CNPY1: variants seen among roughly 807,000 people sequenced by gnomAD.
CNPY1 encodes the protein protein canopy homolog 1.
Under a neutral mutation model 14.4 loss-of-function variants are expected in CNPY1, and 14 were observed. The observed-to-expected ratio is 0.97, with a 90% CI of 0.64 to 1.52. The LOEUF is 1.52. Among genes scored for constraint, CNPY1 ranks in the 40% most tolerant of loss-of-function variants. CNPY1 has a pLI of 0.00. For missense variants in CNPY1, 129 were observed against 131.5 expected, an observed-to-expected ratio of 0.98 and a Z score of 0.09; for synonymous variants, 43 against 46.5, an observed-to-expected ratio of 0.92 and a Z score of 0.31.
chr7:155,509,861 G>A (rs2116689798), intron 2 of CNPY1, among the ~76,000 whole-genome samples: 1 of 152,332 alleles, frequency 6.6e-6, no homozygotes, highest in African/African-American at 2.4e-5. Context: ...CGCCCCGGGC[G>A]CGGGTCAAAG....
rs575622737 is a variant in CNPY1 at position 155,504,983 on chromosome 7, A to T, written c.401-1878T>A. Among the ~76,000 whole-genome samples, 5 of 152,246 alleles carry T rather than the reference A, an allele frequency of 3.3e-5. No individual in the cohort carries two copies. In the South Asian group the frequency reaches 1.0e-3, roughly 32 times the overall value. ...GCATGAATTCTCTGTTGCTTCAGTC[A>T]CTTATCAGAGTTTTTATCATTGATG... On this transcript the variant is annotated intron_variant, in intron 4 of 4. Transcript: ENST00000636446.
In CNPY1 at chr7:155,515,539, C is replaced by T. The variant is rs141974511; in HGVS notation, c.100-6442G>A. ...AGGGTGTCTGTGCATCCCAGATGCC[C>T]GACATGACCCCCTGATGTCCAGTCA... is the stretch of plus-strand genomic sequence containing the variant. On this transcript the variant is annotated intron_variant, in intron 2 of 4. Coordinates refer to ENST00000636446, the MANE Select transcript of CNPY1 (RefSeq NM_001393663.1). Among the ~76,000 whole-genome samples the T allele has an allele frequency of 2.8e-3, 423 of 152,230 alleles. 1 individual carries two copies. The highest frequency in any genetic ancestry group is 9.3e-3 in the African/African-American group (387 of 41,520).
intron 2 of CNPY1, among the ~76,000 whole-genome samples, chr7:155,540,107 T>C (rs962828159): frequency 6.6e-6 from 1 of 152,224 alleles, no homozygotes; most frequent in African/African-American, 2.4e-5. Context: ...TTTGATCAGA[T>C]TCCTCGGGAA....
intron 2 of CNPY1, among the ~76,000 whole-genome samples, chr7:155,544,632 G>A (rs540167762): frequency 6.6e-6 from 1 of 152,330 alleles, no homozygotes; most frequent in African/African-American, 2.4e-5. Flanking sequence ...TGGTGTCAGG[G>A]ACCAGGACTG....
chr7:155,521,344 T>A (rs1389414373), intron 2 of CNPY1, among the ~76,000 whole-genome samples: 1 of 152,230 alleles, frequency 6.6e-6, no homozygotes, highest in East Asian at 1.9e-4. Context: ...TTTCTTTACA[T>A]GCAGGGGACC....
intron 4 of CNPY1, among the ~76,000 whole-genome samples, chr7:155,505,884 C>T (rs1162274825): frequency 6.6e-6 from 1 of 152,188 alleles, no homozygotes; most frequent in Non-Finnish European, 1.5e-5. Context: ...ACTACGTCGT[C>T]TCACTGTATT....
intron 2 of CNPY1, among the ~76,000 whole-genome samples, chr7:155,535,600 C>A (rs1160292404): frequency 6.6e-6 from 1 of 152,210 alleles, no homozygotes; most frequent in East Asian, 1.9e-4. Context: ...AACCAACTGC[C>A]TCCCCAAAAC....
Position 155,537,668 on chromosome 7 carries a change from AC to A in CNPY1, c.99+8162del, listed in dbSNP as rs1797039376. ...TCAAACTCCTGACCTCAGGTGATCC[AC>A]CCGTCTTGGCCTCCCAAAGTGCCGG... On this transcript the variant is annotated intron_variant, in intron 2 of 4. Coordinates refer to ENST00000636446, the MANE Select transcript of CNPY1 (RefSeq NM_001393663.1). Among the ~76,000 whole-genome samples, 5 of 151,698 alleles carry A rather than the reference AC, an allele frequency of 3.3e-5. 1 individual carries two copies. In the South Asian group the frequency reaches 1.0e-3, roughly 32 times the overall value.
In CNPY1 at chr7:155,527,058, T is replaced by TTTC. The variant is rs751755665; in HGVS notation, c.100-17962_100-17961insGAA. Among the ~76,000 whole-genome samples, 246 of 39,540 alleles carry TTTC rather than the reference T, an allele frequency of 6.2e-3. 6 individuals carry two copies. Among genetic ancestry groups the TTTC allele is most frequent in the Admixed American group, 0.055 (208 of 3,796 alleles). 25.9% of individuals were successfully genotyped at this position (39,540 alleles called of 152,430 possible). A position where few individuals can be genotyped will look rare whatever the true frequency, so the allele number is the denominator to read the frequency against. On this transcript the variant is annotated intron_variant, in intron 2 of 4. Transcript: ENST00000636446. ...TCTTTCTTTCTTTCTTTCTTTCTTT[T>TTTC]TTTTTTTTTTTTTGAGACAGTCTTG...
chr7:155,506,572 C>A, intron 4 of CNPY1: 1 of 157,860 alleles, frequency 6.3e-6, no homozygotes, highest in Non-Finnish European at 1.4e-5. Context: ...AACAAACAAA[C>A]AAACAAAAAA....
At position 155,503,186 on chromosome 7, in the gene CNPY1, TATG is replaced by T. The variant is rs146990653; in HGVS notation, c.401-84_401-82del. The T allele has an allele frequency of 3.1e-3, 3,398 of 1,095,650 alleles. 84 individuals are homozygous for T. The African/African-American group carries it at 0.048, about 16-fold the overall frequency. The allele number at this position is 1,095,650 out of a possible 1,614,324, so 67.9% of individuals were successfully genotyped here. On this transcript the variant is annotated intron_variant, in intron 4 of 4. Coordinates refer to ENST00000636446, the MANE Select transcript of CNPY1 (RefSeq NM_001393663.1). ...TAAGTCATTTACATTATGCAAAAAC[TATG>T]TTCTGGTAGAAGCATATTTTAAAAA...
At chr7:155,538,633 G>A (rs1019456353) in intron 2 of CNPY1, among the ~76,000 whole-genome samples, 5 of 152,322 alleles carry the variant, frequency 3.3e-5, no homozygotes, top group East Asian at 1.9e-4. Flanking sequence ...AGCCACAGGC[G>A]TTAGAGGCCC....
At chr7:155,534,349 G>GCA (rs1214634864) in intron 2 of CNPY1, among the ~76,000 whole-genome samples, 142 of 79,228 alleles carry the variant, frequency 1.8e-3, no homozygotes, top group African/African-American at 5.1e-3. Context: ...AGGCACACAT[G>GCA]CACACACGTG....
In CNPY1 at chr7:155,501,994, C is replaced by CGGGGGG. The variant is rs1554446746; in HGVS notation, c.*1068_*1073dup. 2 of 12,378 alleles carry CGGGGGG rather than the reference C, an allele frequency of 1.6e-4. No individual in the cohort carries two copies. The highest frequency in any genetic ancestry group is 4.4e-4 in the African/African-American group (2 of 4,586). The allele number at this position is 12,378 out of a possible 1,614,324, so 0.8% of individuals were successfully genotyped here. A position where few individuals can be genotyped will look rare whatever the true frequency, so the allele number is the denominator to read the frequency against. The stretch of plus-strand genomic sequence containing the variant: ...AACAATATGGCAAAGAGTTTTGGGT[C>CGGGGGG]GGGGGGGTTGGGGGGGGGATTTGTA... On this transcript the variant is annotated 3_prime_UTR_variant, in exon 5 of 5. Coordinates refer to ENST00000636446, the MANE Select transcript of CNPY1 (RefSeq NM_001393663.1).
intron 2 of CNPY1, among the ~76,000 whole-genome samples, chr7:155,543,360 C>G (rs1797124075): frequency 6.6e-6 from 1 of 152,046 alleles, no homozygotes; most frequent in Non-Finnish European, 1.5e-5. Context: ...AGGAGAGTAG[C>G]CCCCGCAGTA....
chr7:155,504,184 T>C (rs1796216579), intron 4 of CNPY1, among the ~76,000 whole-genome samples: 1 of 152,214 alleles, frequency 6.6e-6, no homozygotes, highest in Admixed American at 6.5e-5. Context: ...CTATCCAGTA[T>C]ATAAACTGCA....
intron 2 of CNPY1, among the ~76,000 whole-genome samples, chr7:155,511,994 T>A (rs1796541159): frequency 7.2e-6 from 1 of 139,498 alleles, no homozygotes; most frequent in African/African-American, 2.5e-5. Context: ...ATAACTGGGC[T>A]TTTTTTTCCC....
Position 155,503,048 on chromosome 7 carries a change from C to G in CNPY1, c.*20G>C. Reference sequence around the variant, plus strand: ...TTGGGTGTGACTTTACTCCTCTCTACGACCAGCAGAACGGCACTCCTAGAG... The same window carrying G: ...TTGGGTGTGACTTTACTCCTCTCTAGGACCAGCAGAACGGCACTCCTAGAG... On this transcript the variant is annotated 3_prime_UTR_variant, in exon 5 of 5. Transcript: ENST00000636446. 6.2e-7 allele frequency: 1 copy of G among 1,606,358 alleles called. No individual in the cohort carries two copies.
intron 2 of CNPY1, among the ~76,000 whole-genome samples, chr7:155,539,951 C>T (rs1352591809): frequency 6.6e-6 from 1 of 152,146 alleles, no homozygotes; most frequent in African/African-American, 2.4e-5. Context: ...GGTAGAACTG[C>T]ACCGTGAACA....
Sources: allele counts gnomAD v4.1 joint callset (sites outside exome capture counted in the v4.1 genomes callset), GRCh38; gene constraint gnomAD v4.1.1; transcripts MANE v1.5; gene names NCBI Gene and HGNC (gene_info 2026-07-23, HGNC 2026-07-21).